Variants in ROBO2 observed in about 807,000 individuals in gnomAD.
ROBO2 encodes the protein roundabout homolog 2.
ROBO2 carries 53 observed loss-of-function variants against 160.8 expected under a neutral mutation model. The observed-to-expected ratio is 0.33, with a 90% CI of 0.26 to 0.41. ROBO2 has a LOEUF of 0.41. ROBO2 is among the 10% of genes least tolerant of loss of function. The pLI is 1.00. For synonymous variants in ROBO2, 664 were observed against 611.7 expected (o/e 1.09, Z -1.26); for missense variants, 1,577 against 1,722.4 (o/e 0.92, Z 1.49).
At chr3:77,586,396 A>G (rs2094049965) in intron 16 of ROBO2, among the ~76,000 whole-genome samples, 1 of 152,164 alleles carries the variant, frequency 6.6e-6, no homozygotes, top group African/African-American at 2.4e-5. Context: ...TCACGGTAAT[A>G]GGTACAATCG....
At chr3:76,014,852 A>G (rs1463684208) in intron 2 of ROBO2, among the ~76,000 whole-genome samples, 2 of 152,296 alleles carry the variant, frequency 1.3e-5, no homozygotes, top group East Asian at 3.9e-4. Context: ...TGCTTAGGCC[A>G]GGGAGATTGA....
chr3:77,447,030 T>G (rs2153558983), intron 2 of ROBO2, among the ~76,000 whole-genome samples: 1 of 152,230 alleles, frequency 6.6e-6, no homozygotes, highest in Non-Finnish European at 1.5e-5. Flanking sequence ...AGATGCTGTT[T>G]AATTTCCTGG....
At chr3:76,460,973 T>C (rs2078055171) in intron 2 of ROBO2, among the ~76,000 whole-genome samples, 1 of 152,142 alleles carries the variant, frequency 6.6e-6, no homozygotes, top group Non-Finnish European at 1.5e-5. Context: ...CATGCATCGA[T>C]AAAATCTTAA....
chr3:76,764,223 C>T (rs1393869967), intron 2 of ROBO2, among the ~76,000 whole-genome samples: 1 of 150,984 alleles, frequency 6.6e-6, no homozygotes, highest in African/African-American at 2.4e-5. Flanking sequence ...ACGACTGAAA[C>T]ATAACCCAAA....
chr3:76,226,790 G>C (rs568308764), intron 2 of ROBO2, among the ~76,000 whole-genome samples: 2 of 152,214 alleles, frequency 1.3e-5, no homozygotes, highest in African/African-American at 4.8e-5. Flanking sequence ...AGCAATCTGA[G>C]CTTAAAAATC....
At chr3:76,580,315 CTGTTTTTTTTT>C (rs1279213231) in intron 2 of ROBO2, among the ~76,000 whole-genome samples, 42 of 74,932 alleles carry the variant, frequency 5.6e-4, no homozygotes, top group Admixed American at 1.3e-3. Context: ...AACCCAACCC[CTGTTTTTTTTT>C]TGTTTTTTTT....
At chr3:76,617,992 G>T (rs1262826792) in intron 2 of ROBO2, among the ~76,000 whole-genome samples, 1 of 151,526 alleles carries the variant, frequency 6.6e-6, no homozygotes, top group Non-Finnish European at 1.5e-5. Context: ...TTTGGGTGGG[G>T]ACACAGCCAC....
At chr3:76,017,006 A>G (rs572368453) in intron 2 of ROBO2, among the ~76,000 whole-genome samples, 1 of 152,260 alleles carries the variant, frequency 6.6e-6, no homozygotes, top group South Asian at 2.1e-4. Context: ...TCAGAAAAAA[A>G]GAAAGCAGCC....
chr3:77,351,252 C>T (rs943897985), intron 2 of ROBO2, among the ~76,000 whole-genome samples: 2 of 151,884 alleles, frequency 1.3e-5, no homozygotes, highest in Non-Finnish European at 2.9e-5. Flanking sequence ...AAAAAAAGAG[C>T]GACATAAACA....
chr3:76,831,460 G>T (rs2067088347), intron 2 of ROBO2, among the ~76,000 whole-genome samples: 1 of 152,070 alleles, frequency 6.6e-6, no homozygotes, highest in African/African-American at 2.4e-5. Flanking sequence ...TTTGTATAGG[G>T]TTATATTTTG....
chr3:75,986,790 C>T (rs1407151153), intron 2 of ROBO2, among the ~76,000 whole-genome samples: 1 of 151,492 alleles, frequency 6.6e-6, no homozygotes, highest in South Asian at 2.1e-4. Context: ...CACCACCATC[C>T]CACCATCTTT....
chr3:76,230,216 G>A (rs990681384), intron 2 of ROBO2, among the ~76,000 whole-genome samples: 1 of 151,802 alleles, frequency 6.6e-6, no homozygotes, highest in Non-Finnish European at 1.5e-5. Context: ...TCTTCATGGA[G>A]TCCAGTGCAT....
chr3:77,237,480 A>G (rs1244504834), intron 2 of ROBO2, among the ~76,000 whole-genome samples: 1 of 134,418 alleles, frequency 7.4e-6, no homozygotes, highest in African/African-American at 2.7e-5. Context: ...GCCCAAGCTG[A>G]TCTTGAACTC....
At position 77,510,840 on chromosome 3, in the gene ROBO2, G is replaced by A. The variant is rs148085320; in HGVS notation, c.807-11935G>A. 8.9e-3 allele frequency among the ~76,000 whole-genome samples: 1,360 copies of A among 152,088 alleles called. 23 individuals are homozygous for A. The highest frequency in any genetic ancestry group is 0.01 in the Non-Finnish European group (695 of 67,988). ...GAGTAATTGCTCTATGTCAGACACGGAGTAATTGCTTGGAATGGTTGGAGG... is the reference window on the plus strand; with the variant it reads ...GAGTAATTGCTCTATGTCAGACACGAAGTAATTGCTTGGAATGGTTGGAGG... On this transcript the variant is annotated intron_variant, in intron 5 of 25. Coordinates refer to ENST00000461745, the Ensembl canonical transcript of ROBO2.
chr3:76,815,586 ATCTTTTTTT>A (rs1342826221), intron 2 of ROBO2, among the ~76,000 whole-genome samples: 1 of 151,956 alleles, frequency 6.6e-6, no homozygotes, highest in Non-Finnish European at 1.5e-5. Context: ...TCTTCTTTTT[ATCTTTTTTT>A]TCTTTTTCTA....
chr3:77,505,193 T>C (rs1638633693), intron 5 of ROBO2, among the ~76,000 whole-genome samples: 1 of 152,192 alleles, frequency 6.6e-6, no homozygotes, highest in African/African-American at 2.4e-5. Flanking sequence ...GATTCTTTCA[T>C]GTAGAGTAGC....
At chr3:76,858,281 G>T in intron 2 of ROBO2, among the ~76,000 whole-genome samples, 1 of 151,974 alleles carries the variant, frequency 6.6e-6, no homozygotes, top group Admixed American at 6.6e-5. Context: ...AAATAGCTTT[G>T]TTTTTTTTGG....
chr3:76,230,549 A>G (rs562027051), intron 2 of ROBO2, among the ~76,000 whole-genome samples: 76 of 151,812 alleles, frequency 5.0e-4, no homozygotes, highest in African/African-American at 1.8e-3. Context: ...TCCTCGGTAT[A>G]CCCATGAATA....
intron 2 of ROBO2, among the ~76,000 whole-genome samples, chr3:76,856,899 C>A (rs1210472949): frequency 6.6e-6 from 1 of 152,178 alleles, no homozygotes; most frequent in African/African-American, 2.4e-5. Context: ...TCCAACACAG[C>A]AAGTGCTTTC....
Sources: gnomAD v4.1 joint callset for allele counts (sites outside exome capture counted in the v4.1 genomes callset) on GRCh38, gnomAD v4.1.1 for gene constraint, MANE v1.5 for transcripts, NCBI Gene and HGNC (gene_info 2026-07-23, HGNC 2026-07-21) for gene names.